Variants in TMBIM4 observed in about 807,000 individuals in gnomAD.
TMBIM4 encodes transmembrane BAX inhibitor motif containing 4, also known as protein lifeguard 4.
A neutral mutation model predicts 27.7 loss-of-function variants in TMBIM4; 28 were observed. That is an observed-to-expected ratio of 1.01 (90% CI 0.75 to 1.38). TMBIM4 has a LOEUF of 1.38. TMBIM4 is among the 40% of genes most tolerant of loss of function. TMBIM4 has a pLI of 0.00. For synonymous variants in TMBIM4, 115 were observed against 113.1 expected (o/e 1.02, Z -0.11); for missense variants, 265 against 277.5 (o/e 0.95, Z 0.32).
chr12:66,143,312 A>G (rs969590268), intron 5 of TMBIM4, among the ~76,000 whole-genome samples: 2 of 152,180 alleles, frequency 1.3e-5, no homozygotes, highest in African/African-American at 4.8e-5. Context: ...AACTCCATCT[A>G]GAAGACTGAC....
chr12:66,169,963 C>G lies in TMBIM4; in HGVS notation c.-12G>C. On this transcript the variant is annotated 5_prime_UTR_variant, in exon 1 of 7. Coordinates refer to ENST00000358230, the MANE Select transcript of TMBIM4 (RefSeq NM_016056.4). ...TCGGGGTCAGCCATGATGGCAACAG[C>G]ACCCCTACCGGTCCCGGTCCACTAA... 6.8e-7 allele frequency: 1 copy of G among 1,480,500 alleles called. No homozygotes were observed. The highest frequency in any genetic ancestry group is 3.0e-5 in the East Asian group (1 of 33,730). 91.7% of individuals were successfully genotyped at this position (1,480,500 alleles called of 1,614,324 possible). A position where few individuals can be genotyped will look rare whatever the true frequency, so the allele number is the denominator to read the frequency against.
Position 66,137,914 on chromosome 12 carries a change from A to C in TMBIM4, c.*46T>G. The C allele has an allele frequency of 1.9e-6, 3 of 1,549,398 alleles. No homozygotes were observed. The highest frequency in any genetic ancestry group is 1.4e-5 in the African/African-American group (1 of 73,114). Reference sequence around the variant, plus strand: ...CCAATTACTTTAATCCTTTTTTCTCATTAAATTTTTTTTGTTGTTCTTCAG... The same window carrying C: ...CCAATTACTTTAATCCTTTTTTCTCCTTAAATTTTTTTTGTTGTTCTTCAG... On this transcript the variant is annotated 3_prime_UTR_variant, in exon 7 of 7. Transcript: ENST00000358230.
intron 1 of TMBIM4, among the ~76,000 whole-genome samples, chr12:66,154,125 C>T (rs1255407804): frequency 6.6e-6 from 1 of 152,134 alleles, no homozygotes; most frequent in African/African-American, 2.4e-5. Context: ...CTCATTACCA[C>T]CTTCAGAAAT....
intron 5 of TMBIM4, 195 bp from the exon 6 acceptor site, chr12:66,138,964 C>T: frequency 2.7e-6 from 2 of 745,442 alleles, no homozygotes; most frequent in African/African-American, 1.8e-5. Context: ...GAAAGAACAG[C>T]TATTTATTCA....
At position 66,140,470 on chromosome 12, in the gene TMBIM4, AAAAC is replaced by A. The variant is rs140093043; in HGVS notation, c.465-1705_465-1702del. On this transcript the variant is annotated intron_variant, in intron 5 of 6. Coordinates refer to ENST00000358230, the MANE Select transcript of TMBIM4 (RefSeq NM_016056.4). The stretch of plus-strand genomic sequence containing the variant: ...AATCGCAGAGAGAAAAAGACAAAGA[AAAAC>A]AAACAAACAAAAAAAACAGAACAGT... Among the ~76,000 whole-genome samples the A allele has an allele frequency of 2.3e-3, 343 of 152,324 alleles. 1 individual carries two copies. The highest frequency in any genetic ancestry group is 7.5e-3 in the African/African-American group (311 of 41,570).
chr12:66,154,472 C>T (rs12822410), intron 1 of TMBIM4, among the ~76,000 whole-genome samples: 11,665 of 152,158 alleles, frequency 0.077, 1,030 homozygotes, highest in East Asian at 0.51. Flanking sequence ...AATAAACTTT[C>T]ATTAAATTTA....
At chr12:66,139,059 A>G (rs2136842119) in intron 5 of TMBIM4, 1 of 233,944 alleles carries the variant, frequency 4.3e-6, no homozygotes, top group Non-Finnish European at 8.1e-6. Flanking sequence ...AAGCAGAAAT[A>G]TCATTACAAG....
At chr12:66,153,543 G>A (rs1337398868) in intron 1 of TMBIM4, 95 bp from the exon 2 acceptor site, 12 of 619,658 alleles carry the variant, frequency 1.9e-5, no homozygotes, top group African/African-American at 1.9e-5. Flanking sequence ...TTTTTTACAC[G>A]TATTCTTTCC....
chr12:66,156,716 C>T (rs2051942578), intron 1 of TMBIM4, among the ~76,000 whole-genome samples: 1 of 152,174 alleles, frequency 6.6e-6, no homozygotes, highest in African/African-American at 2.4e-5. Flanking sequence ...CATCTCAGCA[C>T]TCTCTCTCTT....
chr12:66,144,109 T>A (rs2051713619), intron 5 of TMBIM4, among the ~76,000 whole-genome samples: 1 of 152,100 alleles, frequency 6.6e-6, no homozygotes, highest in Non-Finnish European at 1.5e-5. Flanking sequence ...AGTTTCCATT[T>A]TTGTATCACC....
chr12:66,150,113 G>A (rs1206038402), intron 3 of TMBIM4, among the ~76,000 whole-genome samples: 1 of 152,060 alleles, frequency 6.6e-6, no homozygotes, highest in Non-Finnish European at 1.5e-5. Context: ...TTTTCTAGTG[G>A]GACCTCTCCC....
chr12:66,156,403 T>C (rs895652858), intron 1 of TMBIM4, among the ~76,000 whole-genome samples: 40 of 152,204 alleles, frequency 2.6e-4, no homozygotes, highest in African/African-American at 9.6e-4. Context: ...TATCAGCAAC[T>C]ACTGTAGTTC....
rs540706483 is a variant in TMBIM4 at position 66,150,352 on chromosome 12, C to T, written c.312+1919G>A. ...TGACCTGTGCCAACAACCAAGTGTA[C>T]CAATCAGATTCTTTCTCTCTCCTTT... On this transcript the variant is annotated intron_variant, in intron 3 of 6. Coordinates refer to ENST00000358230, the MANE Select transcript of TMBIM4 (RefSeq NM_016056.4). Among the ~76,000 whole-genome samples, 8 of 152,182 alleles carry T rather than the reference C, an allele frequency of 5.3e-5. No individual in the cohort carries two copies. The South Asian group carries it at 1.7e-3, about 32-fold the overall frequency.
intron 1 of TMBIM4, chr12:66,169,185 T>A (rs1053296675): frequency 7.4e-6 from 5 of 679,160 alleles, no homozygotes; most frequent in Non-Finnish European, 1.3e-5. Flanking sequence ...ATGACCAAAC[T>A]AGAGCAGGCA....
chr12:66,146,271 A>C (rs1305461111), intron 4 of TMBIM4, among the ~76,000 whole-genome samples: 1 of 152,222 alleles, frequency 6.6e-6, no homozygotes, highest in African/African-American at 2.4e-5. Flanking sequence ...ATTCTCAGCC[A>C]TCTCTGTCCC....
intron 5 of TMBIM4, among the ~76,000 whole-genome samples, chr12:66,140,901 T>C (rs1162525488): frequency 6.6e-6 from 1 of 151,936 alleles, no homozygotes; most frequent in Non-Finnish European, 1.5e-5. Flanking sequence ...GGAGGAAACA[T>C]ATACAGAGGA....
At chr12:66,153,254 T>C in intron 2 of TMBIM4, 86 bp downstream of exon 2, 1 of 801,118 alleles carries the variant, frequency 1.2e-6, no homozygotes, top group Non-Finnish European at 2.0e-6. Flanking sequence ...CAAAAGTTAA[T>C]AGAAAAAAGT....
rs554799356 is a variant in TMBIM4 at position 66,169,651 on chromosome 12, G to A, written c.97+204C>T. On this transcript the variant is annotated intron_variant, in intron 1 of 6. Transcript: ENST00000358230. Reference sequence around the variant, plus strand: ...CTGGGCCTGGCGCCCTCCCACACCCGCTAGGAGGGGAGGAAGCGCCTCCCC... The same window carrying A: ...CTGGGCCTGGCGCCCTCCCACACCCACTAGGAGGGGAGGAAGCGCCTCCCC... 3.4e-5 allele frequency: 16 copies of A among 468,720 alleles called. 1 individual carries two copies. The South Asian group carries it at 5.8e-4, about 17-fold the overall frequency. 29.0% of individuals were successfully genotyped at this position (468,720 alleles called of 1,614,324 possible).
Position 66,152,342 on chromosome 12 carries a change from G to A in TMBIM4, c.241C>T (p.Leu81=). 1.2e-6 allele frequency: 2 copies of A among 1,609,552 alleles called. No homozygotes were observed. Among genetic ancestry groups the A allele is most frequent in the South Asian group, 1.1e-5 (1 of 90,584 alleles). The change falls in exon 3 of 7, where the codon CTG becomes TTG. Residue 81 remains leucine (L), a synonymous_variant. Coordinates refer to ENST00000358230, the MANE Select transcript of TMBIM4 (RefSeq NM_016056.4). The part of the protein sequence containing the change: ...ALILLFALGS[L]GLIFALILNR... Reference sequence around the variant, plus strand: ...AAAATCAACGCAAAAATCAAACCCAGAGATCCGAGGGCAAACAGCAAAATT... The same window carrying A: ...AAAATCAACGCAAAAATCAAACCCAAAGATCCGAGGGCAAACAGCAAAATT...
Sources: allele counts gnomAD v4.1 joint callset (sites outside exome capture counted in the v4.1 genomes callset), GRCh38; gene constraint gnomAD v4.1.1; transcripts MANE v1.5; gene names NCBI Gene and HGNC (gene_info 2026-07-23, HGNC 2026-07-21).